The following PRKACB variants were observed in gnomAD, a reference collection of about 807,000 sequenced individuals.
PRKACB encodes cAMP-dependent protein kinase catalytic subunit beta.
Under a neutral mutation model 51.4 loss-of-function variants are expected in PRKACB, and 16 were observed. That is an observed-to-expected ratio of 0.31 (90% CI 0.21 to 0.47). The LOEUF (loss-of-function observed/expected upper bound fraction) is 0.47, where lower values mean the gene tolerates loss of function less well. Ranked by LOEUF, PRKACB falls within the 20% of genes least tolerant of loss-of-function variation. The probability of loss-of-function intolerance (pLI) is 1.00; values close to 1 mark genes in which losing one functional copy is unlikely to be tolerated. For missense variants in PRKACB, 309 were observed against 464.5 expected (o/e 0.67, Z 3.08); for synonymous variants, 147 against 154.4 (o/e 0.95, Z 0.35).
intron 9 of PRKACB, among the ~76,000 whole-genome samples, chr1:84,220,591 T>G (rs1239448590): frequency 1.3e-5 from 2 of 152,224 alleles, no homozygotes; most frequent in Non-Finnish European, 2.9e-5. Context: ...TATATGACCT[T>G]TATTATGTTG....
intron 9 of PRKACB, among the ~76,000 whole-genome samples, chr1:84,228,628 C>T (rs2101675024): frequency 6.6e-6 from 1 of 151,642 alleles, no homozygotes; most frequent in Non-Finnish European, 1.5e-5. Context: ...CTTTTAGGAT[C>T]AAAGGAGAAA....
At chr1:84,086,998 G>A (rs1648061564) in intron 1 of PRKACB, among the ~76,000 whole-genome samples, 1 of 152,226 alleles carries the variant, frequency 6.6e-6, no homozygotes, top group African/African-American at 2.4e-5. Context: ...TCACTGTACT[G>A]ATCTTTGAAG....
intron 5 of PRKACB, among the ~76,000 whole-genome samples, chr1:84,192,115 T>A (rs902307896): frequency 8.5e-5 from 13 of 152,150 alleles, no homozygotes; most frequent in Non-Finnish European, 1.9e-4. Flanking sequence ...GCACATCAGT[T>A]TATAAAAAGA....
intron 1 of PRKACB, among the ~76,000 whole-genome samples, chr1:84,086,502 A>G (rs1488504556): frequency 6.6e-6 from 1 of 152,122 alleles, no homozygotes; most frequent in Non-Finnish European, 1.5e-5. Context: ...GCCAGCCCAC[A>G]GCACTCCTGG....
chr1:84,094,639 C>G (rs1648786815), intron 1 of PRKACB, among the ~76,000 whole-genome samples: 1 of 151,942 alleles, frequency 6.6e-6, no homozygotes, highest in Non-Finnish European at 1.5e-5. Context: ...ATACAGTAGT[C>G]ATTTGTAAAT....
chr1:84,138,714 C>T (rs1459202471), intron 1 of PRKACB, among the ~76,000 whole-genome samples: 3 of 152,044 alleles, frequency 2.0e-5, no homozygotes, highest in African/African-American at 7.2e-5. Context: ...CAAAATCATG[C>T]AAAGATGGCA....
chr1:84,233,993 C>A (rs1290154214), intron 9 of PRKACB, among the ~76,000 whole-genome samples: 1 of 152,062 alleles, frequency 6.6e-6, no homozygotes, highest in Non-Finnish European at 1.5e-5. Flanking sequence ...AGGCGCTCTG[C>A]TTTTTAGAGT....
chr1:84,158,133 T>G (rs926785396), intron 1 of PRKACB, among the ~76,000 whole-genome samples: 1 of 151,916 alleles, frequency 6.6e-6, no homozygotes, highest in Non-Finnish European at 1.5e-5. Context: ...TGGAGTGCAG[T>G]GGCGCAAGTG....
At chr1:84,134,934 T>C (rs954637552) in intron 1 of PRKACB, among the ~76,000 whole-genome samples, 10 of 152,210 alleles carry the variant, frequency 6.6e-5, no homozygotes, top group Admixed American at 6.5e-4. Flanking sequence ...TTCCTTTAGA[T>C]CAGTGGGGAA....
intron 1 of PRKACB, among the ~76,000 whole-genome samples, chr1:84,128,588 TAATA>T (rs1322730877): frequency 6.6e-6 from 1 of 152,216 alleles, no homozygotes; most frequent in Non-Finnish European, 1.5e-5. Flanking sequence ...TTTAAATAAA[TAATA>T]GTCATATATT....
chr1:84,127,634 C>T (rs558744754), intron 1 of PRKACB, among the ~76,000 whole-genome samples: 156 of 151,922 alleles, frequency 1.0e-3, no homozygotes, highest in African/African-American at 3.6e-3. Context: ...ATGAATTTTG[C>T]GGGTTTTTTT....
intron 8 of PRKACB, chr1:84,205,043 T>C (rs1020468420): frequency 2.0e-6 from 2 of 982,966 alleles, no homozygotes; most frequent in Non-Finnish European, 2.4e-6. Context: ...AACCTTATTA[T>C]ATCACAATAT....
At position 84,235,569 on chromosome 1, in the gene PRKACB, A is replaced by G. The variant is rs1169109678; in HGVS notation, c.*264A>G. 4 of 324,896 alleles carry G rather than the reference A, an allele frequency of 1.2e-5. No individual in the cohort carries two copies. Among genetic ancestry groups the G allele is most frequent in the South Asian group, 5.3e-5 (1 of 18,954 alleles). The allele number at this position is 324,896 out of a possible 1,614,324, so 20.1% of individuals were successfully genotyped here. On this transcript the variant is annotated 3_prime_UTR_variant, in exon 10 of 10. Transcript: ENST00000370685. ...TTGGGTTGTCTTTCTCCTCTCCTATATCCATTTCTTCCTTTTCCAATTTCA... is the reference window on the plus strand; with the variant it reads ...TTGGGTTGTCTTTCTCCTCTCCTATGTCCATTTCTTCCTTTTCCAATTTCA...
intron 1 of PRKACB, among the ~76,000 whole-genome samples, chr1:84,151,015 C>T (rs1050340571): frequency 6.6e-6 from 1 of 152,068 alleles, no homozygotes; most frequent in Non-Finnish European, 1.5e-5. Context: ...TATAAGTATA[C>T]ATTGTGAAAT....
chr1:84,100,395 A>G (rs540156113), intron 1 of PRKACB, among the ~76,000 whole-genome samples: 15 of 152,294 alleles, frequency 9.8e-5, no homozygotes, highest in African/African-American at 3.4e-4. Flanking sequence ...TATCCTCAGG[A>G]TCATCAAGAA....
At chr1:84,086,883 C>A (rs112891906) in intron 1 of PRKACB, among the ~76,000 whole-genome samples, 1 of 152,182 alleles carries the variant, frequency 6.6e-6, no homozygotes, top group Admixed American at 6.5e-5. Flanking sequence ...CGAGGCACCT[C>A]CTTTGCCCCT....
chr1:84,088,478 A>G (rs1648194708), intron 1 of PRKACB, among the ~76,000 whole-genome samples: 3 of 152,214 alleles, frequency 2.0e-5, no homozygotes, highest in Non-Finnish European at 2.9e-5. Context: ...ACCATATAGC[A>G]TCAGCAGGCC....
chr1:84,206,136 A>G (rs1671307887), intron 8 of PRKACB, among the ~76,000 whole-genome samples: 1 of 152,200 alleles, frequency 6.6e-6, no homozygotes, highest in Non-Finnish European at 1.5e-5. Context: ...CCATAACTTT[A>G]GAGCCCTTGG....
chr1:84,093,269 ATCTC>A (rs375522844), intron 1 of PRKACB, among the ~76,000 whole-genome samples: 29 of 146,202 alleles, frequency 2.0e-4, no homozygotes, highest in South Asian at 1.3e-3. Flanking sequence ...AAGTGTGTGC[ATCTC>A]TCTCTCTCTC....
Sources: gnomAD v4.1 joint callset for allele counts (sites outside exome capture counted in the v4.1 genomes callset) on GRCh38, gnomAD v4.1.1 for gene constraint, MANE v1.5 for transcripts, NCBI Gene and HGNC (gene_info 2026-07-23, HGNC 2026-07-21) for gene names.